The following HS6ST3 variants were observed in gnomAD, a reference collection of about 807,000 sequenced individuals.
HS6ST3 encodes the protein heparan sulfate 6-O-sulfotransferase 3, also known as heparan-sulfate 6-O-sulfotransferase 3.
A neutral mutation model predicts 36.7 loss-of-function variants in HS6ST3; 12 were observed. That is an observed-to-expected ratio of 0.33 (90% CI 0.21 to 0.53). The LOEUF is 0.53. Among genes scored for constraint, HS6ST3 ranks in the 20% least tolerant of loss-of-function variants. HS6ST3 has a pLI of 0.95. For missense variants in HS6ST3, 584 were observed against 640.9 expected (o/e 0.91, Z 0.96); for synonymous variants, 240 against 257.5 (o/e 0.93, Z 0.65).
intron 1 of HS6ST3, among the ~76,000 whole-genome samples, chr13:96,482,894 A>G (rs1480153187): frequency 1.3e-5 from 2 of 152,194 alleles, no homozygotes; most frequent in Non-Finnish European, 2.9e-5. Context: ...ATGCATCCCC[A>G]CAAATGTGCA....
chr13:96,799,289 T>G (rs937694482), intron 1 of HS6ST3, among the ~76,000 whole-genome samples: 2 of 152,110 alleles, frequency 1.3e-5, no homozygotes, highest in African/African-American at 4.8e-5. Flanking sequence ...CCTGACTTTT[T>G]AATGATTGCC....
At chr13:96,736,923 A>G (rs1278353561) in intron 1 of HS6ST3, among the ~76,000 whole-genome samples, 1 of 152,224 alleles carries the variant, frequency 6.6e-6, no homozygotes, top group Non-Finnish European at 1.5e-5. Flanking sequence ...AAAGCATGAT[A>G]TGTCAGAACC....
chr13:96,676,513 T>C (rs2138434699), intron 1 of HS6ST3, among the ~76,000 whole-genome samples: 1 of 152,216 alleles, frequency 6.6e-6, no homozygotes, highest in Admixed American at 6.5e-5. Context: ...TTAAATGAAA[T>C]TGAATTATTC....
intron 1 of HS6ST3, among the ~76,000 whole-genome samples, chr13:96,530,826 T>G (rs2138934321): frequency 6.6e-6 from 1 of 152,348 alleles, no homozygotes; most frequent in East Asian, 1.9e-4. Context: ...CTCAAACTGT[T>G]GTCAGTCACC....
At chr13:96,664,756 C>G (rs1289775741) in intron 1 of HS6ST3, among the ~76,000 whole-genome samples, 2 of 152,202 alleles carry the variant, frequency 1.3e-5, no homozygotes, top group Non-Finnish European at 1.5e-5. Context: ...GCAGTTCTTA[C>G]TTCCATGGCC....
chr13:96,392,799 G>T (rs7358912), intron 1 of HS6ST3, among the ~76,000 whole-genome samples: 73 of 152,108 alleles, frequency 4.8e-4, no homozygotes, highest in African/African-American at 1.6e-3. Flanking sequence ...GGCCTCAAAG[G>T]CCATGTTGGT....
chr13:96,114,852 C>T (rs929377050), intron 1 of HS6ST3, among the ~76,000 whole-genome samples: 3 of 152,124 alleles, frequency 2.0e-5, no homozygotes, highest in Non-Finnish European at 2.9e-5. Flanking sequence ...GTGTTGGGAG[C>T]GAAGCTATTG....
Position 96,174,486 on chromosome 13 carries a change from A to G in HS6ST3, c.707+82917A>G, listed in dbSNP as rs530387313. On this transcript the variant is annotated intron_variant, in intron 1 of 1. Coordinates refer to ENST00000376705, the MANE Select transcript of HS6ST3 (RefSeq NM_153456.4). ...TGGGCCCAAGCAATTCTCCCACTTC[A>G]GTCTCCCAAGTAACCTGGCATTTCA... Among the ~76,000 whole-genome samples, 3 of 152,216 alleles carry G rather than the reference A, an allele frequency of 2.0e-5. No individual in the cohort carries two copies. In the South Asian group the frequency reaches 6.2e-4, roughly 32 times the overall value.
intron 1 of HS6ST3, among the ~76,000 whole-genome samples, chr13:96,778,804 C>T (rs555898145): frequency 1.1e-3 from 174 of 152,238 alleles, no homozygotes; most frequent in Admixed American, 4.7e-3. Context: ...TTTGACCCAG[C>T]AATCCTATTA....
intron 1 of HS6ST3, among the ~76,000 whole-genome samples, chr13:96,374,403 G>T (rs1306646246): frequency 6.6e-6 from 1 of 151,914 alleles, no homozygotes; most frequent in Non-Finnish European, 1.5e-5. Flanking sequence ...GCTACTTATG[G>T]TTATCTTGGC....
chr13:96,739,228 TGTGTGTGTG>T (rs1876371653), intron 1 of HS6ST3, among the ~76,000 whole-genome samples: 5 of 98,748 alleles, frequency 5.1e-5, no homozygotes, highest in African/African-American at 2.0e-4. Flanking sequence ...CTTGTGTGTG[TGTGTGTGTG>T]TGTGTGTGTG....
intron 1 of HS6ST3, among the ~76,000 whole-genome samples, chr13:96,722,988 CGTGTGT>C (rs34651683): frequency 2.1e-3 from 307 of 143,666 alleles, no homozygotes; most frequent in African/African-American, 5.8e-3. Flanking sequence ...AAAAAATATA[CGTGTGT>C]GTGTGTGTGT....
intron 1 of HS6ST3, among the ~76,000 whole-genome samples, chr13:96,514,739 A>G (rs2056065279): frequency 6.6e-6 from 1 of 152,212 alleles, no homozygotes; most frequent in African/African-American, 2.4e-5. Context: ...GGTATTTGTT[A>G]TGGCAGCTTG....
At chr13:96,383,718 G>GT (rs1320791461) in intron 1 of HS6ST3, among the ~76,000 whole-genome samples, 1 of 131,246 alleles carries the variant, frequency 7.6e-6, no homozygotes, top group Non-Finnish European at 1.8e-5. Context: ...CCCCCTCAAA[G>GT]TGGGGGGGAC....
intron 1 of HS6ST3, among the ~76,000 whole-genome samples, chr13:96,616,160 C>A (rs1245508779): frequency 6.6e-6 from 1 of 152,050 alleles, no homozygotes; most frequent in Admixed American, 6.6e-5. Context: ...TATTCCAGAT[C>A]ATATATTTAT....
At chr13:96,103,414 G>C (rs1594676914) in intron 1 of HS6ST3, among the ~76,000 whole-genome samples, 1 of 152,106 alleles carries the variant, frequency 6.6e-6, no homozygotes, top group African/African-American at 2.4e-5. Flanking sequence ...GTGAGTTTGT[G>C]GTCTCCTCTG....
intron 1 of HS6ST3, among the ~76,000 whole-genome samples, chr13:96,278,197 C>G (rs1287083912): frequency 6.6e-6 from 1 of 152,138 alleles, no homozygotes; most frequent in Non-Finnish European, 1.5e-5. Flanking sequence ...ACAATCAATA[C>G]CTTAAACTTC....
intron 1 of HS6ST3, among the ~76,000 whole-genome samples, chr13:96,161,672 T>A (rs996024843): frequency 3.9e-5 from 6 of 152,192 alleles, no homozygotes; most frequent in Non-Finnish European, 8.8e-5. Flanking sequence ...AAATCTTCCC[T>A]TCCCACACAA....
intron 1 of HS6ST3, among the ~76,000 whole-genome samples, chr13:96,633,935 T>G (rs1002990501): frequency 6.6e-6 from 1 of 152,078 alleles, no homozygotes; most frequent in African/African-American, 2.4e-5. Context: ...TGACAACATT[T>G]GGAGGTGGGG....
Sources: gnomAD v4.1 joint callset for allele counts (sites outside exome capture counted in the v4.1 genomes callset) on GRCh38, gnomAD v4.1.1 for gene constraint, MANE v1.5 for transcripts, NCBI Gene and HGNC (gene_info 2026-07-23, HGNC 2026-07-21) for gene names.